MTMR7: variants seen among roughly 807,000 people sequenced by gnomAD.
The protein encoded by MTMR7 is myotubularin related protein 7, also known as phosphatidylinositol-3-phosphate phosphatase MTMR7.
MTMR7 carries 76 observed loss-of-function variants against 81.2 expected under a neutral mutation model. The ratio of observed to expected loss-of-function variants is 0.94; its 90% CI spans 0.78 to 1.13. The LOEUF (loss-of-function observed/expected upper bound fraction) is 1.13. MTMR7 is among the 50% of genes most tolerant of loss of function. The probability of loss-of-function intolerance (pLI) is 0.00; values close to 1 mark genes in which losing one functional copy is unlikely to be tolerated. For synonymous variants in MTMR7, 372 were observed against 289.8 expected (o/e 1.28, Z -2.88); for missense variants, 1,044 against 820.0 (o/e 1.27, Z -3.34).
intron 8 of MTMR7, 140 bp from the exon 9 acceptor site, chr8:17,311,776 C>A: frequency 2.2e-6 from 3 of 1,337,394 alleles, no homozygotes; most frequent in Non-Finnish European, 3.1e-6. Flanking sequence ...TGTTTAGGGC[C>A]CCCCCTAATT....
intron 6 of MTMR7, among the ~76,000 whole-genome samples, chr8:17,335,274 C>A (rs1012496847): frequency 1.3e-5 from 2 of 152,070 alleles, no homozygotes; most frequent in Admixed American, 6.5e-5. Context: ...TCCTTCAAAC[C>A]GGCATGGAAC....
rs991579221 is a variant in MTMR7 at position 17,361,388 on chromosome 8, C to G, written c.311-114G>C. ...CCCAGAGAGGCCATCCCAACCCCCA[C>G]CCCCAGCACACTCTTGGGAGTAACC... On this transcript the variant is annotated intron_variant, in intron 3 of 13. Coordinates refer to ENST00000180173, the MANE Select transcript of MTMR7 (RefSeq NM_004686.5). 2.8e-5 allele frequency: 30 copies of G among 1,087,064 alleles called. 1 individual carries two copies. Among genetic ancestry groups the G allele is most frequent in the Non-Finnish European group, 3.7e-5 (27 of 734,484 alleles). 67.3% of individuals were successfully genotyped at this position (1,087,064 alleles called of 1,614,324 possible).
rs6651473 is a variant in MTMR7, at chr8:17,340,992, C to A, written c.732+371G>T. On this transcript the variant is annotated intron_variant, in intron 6 of 13. Transcript: ENST00000180173. ...AGCTGAGTACTTCGCAACAATTGAA[C>A]TGCTGGAGCTCCAGAGTGAATTTTA... 2.2e-3 allele frequency among the ~76,000 whole-genome samples: 331 copies of A among 152,282 alleles called. 5 individuals are homozygous for A. Among genetic ancestry groups the A allele is most frequent in the African/African-American group, 7.6e-3 (317 of 41,552 alleles).
Position 17,348,511 on chromosome 8 carries a change from C to T in MTMR7, c.597+442G>A, listed in dbSNP as rs573232213. On this transcript the variant is annotated intron_variant, in intron 5 of 13. Transcript: ENST00000180173. ...GTTGCAGTGAGCCGAGATTGCACCA[C>T]TGCACTCTAGCCCAGGTGACAGAGT... Among the ~76,000 whole-genome samples, 30 of 145,322 alleles carry T rather than the reference C, an allele frequency of 2.1e-4. 1 individual carries two copies. The South Asian group carries it at 6.1e-3, about 30-fold the overall frequency.
rs1406805791 is a variant in MTMR7, at chr8:17,341,285, T to C, written c.732+78A>G. ...CAGATGAAGCAACCTGCACAAGAGATGGCAGTCGGCTAGCCTTTGCCTGTC... is the reference window on the plus strand; with the variant it reads ...CAGATGAAGCAACCTGCACAAGAGACGGCAGTCGGCTAGCCTTTGCCTGTC... On this transcript the variant is annotated intron_variant, in intron 6 of 13. Coordinates refer to ENST00000180173, the MANE Select transcript of MTMR7 (RefSeq NM_004686.5). 2.5e-6 allele frequency: 4 copies of C among 1,569,858 alleles called. No individual in the cohort carries two copies. The Admixed American group carries it at 5.1e-5, about 20-fold the overall frequency.
intron 1 of MTMR7, among the ~76,000 whole-genome samples, chr8:17,382,663 A>G (rs1270659074): frequency 6.6e-6 from 1 of 152,116 alleles, no homozygotes; most frequent in East Asian, 1.9e-4. Flanking sequence ...TGAAATACCC[A>G]CCCCTTGGTC....
At chr8:17,412,154 A>G (rs1297324018) in intron 1 of MTMR7, among the ~76,000 whole-genome samples, 1 of 152,208 alleles carries the variant, frequency 6.6e-6, no homozygotes, top group Non-Finnish European at 1.5e-5. Context: ...CCAGCAAACT[A>G]AAAGATTTCT....
chr8:17,339,204 G>T (rs923372408), intron 6 of MTMR7, among the ~76,000 whole-genome samples: 2 of 152,056 alleles, frequency 1.3e-5, no homozygotes, highest in Non-Finnish European at 2.9e-5. Flanking sequence ...TGAGCTGCTG[G>T]TTCTATTTTA....
In MTMR7 at chr8:17,299,125, T is replaced by C. The variant is rs1325862451; in HGVS notation, c.*737A>G. On this transcript the variant is annotated 3_prime_UTR_variant, in exon 14 of 14. Coordinates refer to ENST00000180173, the MANE Select transcript of MTMR7 (RefSeq NM_004686.5). Reference sequence around the variant, plus strand: ...ACAAGAAAGCTGATACTTAAATTCATATGTAAGACCAGGAGAATGAATGTT... The same window carrying C: ...ACAAGAAAGCTGATACTTAAATTCACATGTAAGACCAGGAGAATGAATGTT... 3.9e-5 allele frequency: 6 copies of C among 152,222 alleles called. No homozygotes were observed. The East Asian group carries it at 1.2e-3, about 29-fold the overall frequency. 9.4% of individuals were successfully genotyped at this position (152,222 alleles called of 1,614,324 possible). A position where few individuals can be genotyped will look rare whatever the true frequency, so the allele number is the denominator to read the frequency against.
chr8:17,386,611 C>G (rs1254991948), intron 1 of MTMR7, among the ~76,000 whole-genome samples: 1 of 150,898 alleles, frequency 6.6e-6, no homozygotes, highest in Non-Finnish European at 1.5e-5. Context: ...CTTGGCTGGG[C>G]CCTCATTGCT....
chr8:17,309,462 G>A lies in MTMR7; in HGVS notation c.1102-136C>T, dbSNP rs1817668800. The A allele has an allele frequency of 2.4e-5, 16 of 680,228 alleles. No individual in the cohort carries two copies. The South Asian group carries it at 2.4e-4, about 10-fold the overall frequency. 42.1% of individuals were successfully genotyped at this position (680,228 alleles called of 1,614,324 possible). A position where few individuals can be genotyped will look rare whatever the true frequency, so the allele number is the denominator to read the frequency against. On this transcript the variant is annotated intron_variant, in intron 9 of 13. Coordinates refer to ENST00000180173, the MANE Select transcript of MTMR7 (RefSeq NM_004686.5). ...GAGTAACCTGCAAATGCATGAACAG[G>A]CATTATCCACCCATATAGAGATGCA...
At chr8:17,407,912 G>A (rs182411198) in intron 1 of MTMR7, among the ~76,000 whole-genome samples, 96 of 152,314 alleles carry the variant, frequency 6.3e-4, no homozygotes, top group African/African-American at 2.2e-3. Context: ...AAACCTCATG[G>A]ATCTGCTGAT....
chr8:17,399,872 CAA>C (rs67618086), intron 1 of MTMR7, among the ~76,000 whole-genome samples: 41 of 141,530 alleles, frequency 2.9e-4, no homozygotes, highest in Non-Finnish European at 4.2e-4. Flanking sequence ...GACTCTGTCT[CAA>C]AAAAAAAAAA....
chr8:17,396,557 C>A (rs992210099), intron 1 of MTMR7, among the ~76,000 whole-genome samples: 4 of 152,168 alleles, frequency 2.6e-5, no homozygotes, highest in African/African-American at 9.6e-5. Context: ...AGGGAAATTG[C>A]CTATCCCAGT....
intron 1 of MTMR7, among the ~76,000 whole-genome samples, chr8:17,394,881 A>C (rs2150579850): frequency 6.6e-6 from 1 of 152,202 alleles, no homozygotes; most frequent in East Asian, 1.9e-4. Flanking sequence ...TTTACTGAGC[A>C]GTGGTTATGT....
At chr8:17,362,391 A>T (rs1456227998) in intron 3 of MTMR7, among the ~76,000 whole-genome samples, 4 of 152,200 alleles carry the variant, frequency 2.6e-5, no homozygotes, top group Non-Finnish European at 5.9e-5. Flanking sequence ...ATTTCTGATG[A>T]TAATAAAGGA....
intron 1 of MTMR7, among the ~76,000 whole-genome samples, chr8:17,393,280 A>G (rs2150578873): frequency 6.6e-6 from 1 of 152,308 alleles, no homozygotes; most frequent in African/African-American, 2.4e-5. Context: ...TTAACTCAAC[A>G]TAGATCAAAG....
chr8:17,331,810 A>G (rs180901296), intron 6 of MTMR7, among the ~76,000 whole-genome samples: 1 of 152,222 alleles, frequency 6.6e-6, no homozygotes, highest in Non-Finnish European at 1.5e-5. Context: ...AGCAGGAATT[A>G]CTGAATAAAA....
chr8:17,305,929 C>A lies in MTMR7; in HGVS notation c.1180G>T (p.Glu394Ter), dbSNP rs1238407176. The stretch of plus-strand genomic sequence containing the variant: ...AACTGGTCAATAACTGGAGAGATTT[C>A]TTTTGGGTCACCATCTAGATTGCCA... ...RYGNLDGDPK[E>*]ISPVIDQFIE... is the part of the protein sequence containing the mutation. Residue 394 changes from glutamate (E) to a stop codon, truncating the protein, a stop_gained, in exon 11 of 14, where the codon GAA (glutamate) becomes TAA (stop). Coordinates refer to ENST00000180173, the MANE Select transcript of MTMR7 (RefSeq NM_004686.5). LOFTEE classifies it high-confidence loss of function. 5 of 1,613,328 alleles carry A rather than the reference C, an allele frequency of 3.1e-6. No homozygotes were observed. The highest frequency in any genetic ancestry group is 1.3e-5 in the African/African-American group (1 of 74,880).
Sources: allele counts gnomAD v4.1 joint callset (sites outside exome capture counted in the v4.1 genomes callset), GRCh38; gene constraint gnomAD v4.1.1; transcripts MANE v1.5; gene names NCBI Gene and HGNC (gene_info 2026-07-23, HGNC 2026-07-21).